The following GTPBP1 variants were observed in gnomAD, a reference collection of about 807,000 sequenced individuals.
GTPBP1 encodes GTP-binding protein 1.
In GTPBP1, 23 loss-of-function variants were observed where a neutral mutation model predicts 62.0. That is an observed-to-expected ratio of 0.37 (90% CI 0.27 to 0.53). GTPBP1 has a LOEUF of 0.53. Ranked by LOEUF, GTPBP1 falls within the 20% of genes least tolerant of loss-of-function variation. The pLI is 0.89. For synonymous variants in GTPBP1, 344 were observed against 364.4 expected (o/e 0.94, Z 0.64); for missense variants, 640 against 917.3 (o/e 0.70, Z 3.90).
At chr22:38,721,049 C>T (rs769216322) in intron 4 of GTPBP1, among the ~76,000 whole-genome samples, 5 of 152,124 alleles carry the variant, frequency 3.3e-5, no homozygotes, top group Admixed American at 6.5e-5. Flanking sequence ...GAGACTACAG[C>T]GTATCCTGCC....
intron 1 of GTPBP1, 145 bp downstream of exon 1, chr22:38,706,292 T>C: frequency 2.1e-6 from 1 of 477,424 alleles, no homozygotes; most frequent in Admixed American, 4.6e-5. Flanking sequence ...CCTGCTAGTC[T>C]CCGGGACGTG....
In GTPBP1 at chr22:38,716,519, A is replaced by G. The variant is rs569108264; in HGVS notation, c.486-133A>G. Reference sequence around the variant, plus strand: ...CCTTCCCACTGTGCTCCTCCGGCTCAAGGAGGAGCTGTGAGCCGGAGGGGA... The same window carrying G: ...CCTTCCCACTGTGCTCCTCCGGCTCGAGGAGGAGCTGTGAGCCGGAGGGGA... On this transcript the variant is annotated intron_variant, in intron 3 of 11. Coordinates refer to ENST00000216044, the MANE Select transcript of GTPBP1 (RefSeq NM_004286.5). This position sits in a 1 kb window ranked among gnomAD's most constrained non-coding sequence, Gnocchi z 5.2. The G allele has an allele frequency of 8.8e-4, 589 of 667,110 alleles. 3 individuals carry two copies. The African/African-American group carries it at 9.5e-3, about 11-fold the overall frequency. 41.3% of individuals were successfully genotyped at this position (667,110 alleles called of 1,614,324 possible).
downstream of GTPBP1, chr22:38,736,507 A>C: frequency 8.6e-6 from 6 of 700,954 alleles, no homozygotes; most frequent in Non-Finnish European, 1.4e-5. Flanking sequence ...TGGGGCTCTG[A>C]AGAGAACCAG....
At chr22:38,722,175 T>A (rs946505509) in intron 5 of GTPBP1, among the ~76,000 whole-genome samples, 3 of 152,214 alleles carry the variant, frequency 2.0e-5, no homozygotes, top group Non-Finnish European at 4.4e-5. Context: ...GTAAAATGAC[T>A]AGGTAAACTA....
Position 38,729,560 on chromosome 22 carries a change from G to C in GTPBP1, c.1815G>C (p.Gly605=), listed in dbSNP as rs1179370699. 1 of 1,602,086 alleles carries C rather than the reference G, an allele frequency of 6.2e-7. No individual in the cohort carries two copies. The highest frequency in any genetic ancestry group is 1.7e-5 in the Admixed American group (1 of 58,302). Reference sequence around the variant, plus strand: ...GCCCCCTGACGAAACGAGACGAGGGGGGCCCGTCTGGTGGGCCAGCAGTAG... The same window carrying C: ...GCCCCCTGACGAAACGAGACGAGGGCGGCCCGTCTGGTGGGCCAGCAGTAG... ...KKGPLTKRDE[G]GPSGGPAVGA... is the part of the protein sequence containing the mutation. The change falls in exon 11 of 12, where the codon GGG becomes GGC. Residue 605 remains glycine (G), a synonymous_variant. Transcript: ENST00000216044.
In GTPBP1 at chr22:38,730,872, G is replaced by C. The variant is rs2092754980; in HGVS notation, c.*168G>C. 3 of 559,798 alleles carry C rather than the reference G, an allele frequency of 5.4e-6. No homozygotes were observed. The highest frequency in any genetic ancestry group is 3.1e-6 in the Non-Finnish European group (1 of 317,796). 34.7% of individuals were successfully genotyped at this position (559,798 alleles called of 1,614,324 possible). ...TTTCCAGGGGGGTTGTAATTTATAA[G>C]CTGACGAAGGTAGCCAGACTTCCGG... On this transcript the variant is annotated 3_prime_UTR_variant, in exon 12 of 12. Coordinates refer to ENST00000216044, the MANE Select transcript of GTPBP1 (RefSeq NM_004286.5). This position sits in a 1 kb window ranked among gnomAD's most constrained non-coding sequence, Gnocchi z 5.6.
chr22:38,717,898 C>T (rs2267395), intron 4 of GTPBP1, among the ~76,000 whole-genome samples: 55,334 of 151,998 alleles, frequency 0.36, 10,784 homozygotes, highest in African/African-American at 0.51. Flanking sequence ...AGTGTTCCCT[C>T]GGCAAGGCCT....
At chr22:38,715,694 G>A (rs1048975087) in intron 2 of GTPBP1, among the ~76,000 whole-genome samples, 7 of 152,158 alleles carry the variant, frequency 4.6e-5, no homozygotes, top group African/African-American at 1.7e-4. Flanking sequence ...ATGAAGTAGC[G>A]AATGCTCTGC....
chr22:38,707,423 C>G (rs1471416045), intron 1 of GTPBP1, among the ~76,000 whole-genome samples: 2 of 152,202 alleles, frequency 1.3e-5, no homozygotes, highest in South Asian at 4.1e-4. Context: ...CTCAGGTGAG[C>G]ACTTGGAAGC....
rs1213569949 is a variant in GTPBP1, at chr22:38,731,028, G to A, written c.*324G>A. On this transcript the variant is annotated 3_prime_UTR_variant, in exon 12 of 12. Coordinates refer to ENST00000216044, the MANE Select transcript of GTPBP1 (RefSeq NM_004286.5). ...CTCTCTATTGTGTGTGTGTGTGTGTGTGTGTGTGTGTGTGTGTGTGTGGTG... is the reference window on the plus strand; with the variant it reads ...CTCTCTATTGTGTGTGTGTGTGTGTATGTGTGTGTGTGTGTGTGTGTGGTG... The A allele has an allele frequency of 4.1e-6, 1 of 242,710 alleles. No individual in the cohort carries two copies. The highest frequency in any genetic ancestry group is 2.3e-5 in the African/African-American group (1 of 42,880). 15.0% of individuals were successfully genotyped at this position (242,710 alleles called of 1,614,324 possible).
chr22:38,721,917 G>A (rs2145868591), intron 5 of GTPBP1, 52 bp downstream of exon 5: 1 of 1,453,442 alleles, frequency 6.9e-7, no homozygotes, highest in Non-Finnish European at 9.4e-7. Flanking sequence ...GCTGTCACCT[G>A]CTGTGCCTTC....
chr22:38,733,765 G>C (rs566156002), downstream of GTPBP1, among the ~76,000 whole-genome samples: 4 of 152,324 alleles, frequency 2.6e-5, no homozygotes, highest in Non-Finnish European at 4.4e-5. Context: ...CCACGCACAG[G>C]GGCAGCACAG....
intron 5 of GTPBP1, chr22:38,723,119 A>G (rs1206095512): frequency 1.3e-6 from 1 of 780,006 alleles, no homozygotes; most frequent in Non-Finnish European, 2.3e-6. Context: ...TGAGACCACA[A>G]CTTCACAGTT....
chr22:38,739,633 T>G, downstream of GTPBP1: 1 of 1,492,370 alleles, frequency 6.7e-7, no homozygotes, highest in Non-Finnish European at 9.2e-7. The surrounding 1 kb of genome is among the most constrained non-coding windows in gnomAD (Gnocchi z 6.7). Context: ...TCCTGGAACC[T>G]GCCAGGGAGC....
chr22:38,717,737 T>A (rs1287794804), intron 4 of GTPBP1, among the ~76,000 whole-genome samples: 2 of 152,206 alleles, frequency 1.3e-5, no homozygotes, highest in Non-Finnish European at 2.9e-5. Flanking sequence ...CTTGCCTTTG[T>A]GACCCACTGA....
chr22:38,718,792 G>C (rs747758401), intron 4 of GTPBP1, among the ~76,000 whole-genome samples: 28 of 152,204 alleles, frequency 1.8e-4, no homozygotes, highest in Admixed American at 1.0e-3. Flanking sequence ...GGCAACCAGT[G>C]TTTCCAGTTT....
At chr22:38,735,668 T>C (rs918226172), downstream of GTPBP1, 2 of 166,772 alleles carry the variant, frequency 1.2e-5, no homozygotes, top group Admixed American at 1.2e-4. Flanking sequence ...ACTGCTACCC[T>C]CCCCGGGACA....
At chr22:38,714,031 CAA>C (rs2092654750) in intron 2 of GTPBP1, among the ~76,000 whole-genome samples, 1 of 151,966 alleles carries the variant, frequency 6.6e-6, no homozygotes, top group Non-Finnish European at 1.5e-5. Context: ...ATTCAGGAGA[CAA>C]GAGCGGGGGA....
rs2092755242 is a variant in GTPBP1 at position 38,730,914 on chromosome 22, C to T, written c.*210C>T. Reference sequence around the variant, plus strand: ...GACTTCCGGAGGACTGACCATCTCTCACTGTCCTCCCCACCTTCTTCCTCA... The same window carrying T: ...GACTTCCGGAGGACTGACCATCTCTTACTGTCCTCCCCACCTTCTTCCTCA... On this transcript the variant is annotated 3_prime_UTR_variant, in exon 12 of 12. Transcript: ENST00000216044. The surrounding 1 kb of genome is among the most constrained non-coding windows in gnomAD (Gnocchi z 5.6). 1 of 548,876 alleles carries T rather than the reference C, an allele frequency of 1.8e-6. No individual in the cohort carries two copies. Among genetic ancestry groups the T allele is most frequent in the African/African-American group, 1.9e-5 (1 of 51,338 alleles). The allele number at this position is 548,876 out of a possible 1,614,324, so 34.0% of individuals were successfully genotyped here. A position where few individuals can be genotyped will look rare whatever the true frequency, so the allele number is the denominator to read the frequency against.
Sources: gnomAD v4.1 joint callset for allele counts (sites outside exome capture counted in the v4.1 genomes callset) on GRCh38, gnomAD v4.1.1 for gene constraint, Gnocchi (gnomAD v3.1) non-coding constraint, MANE v1.5 for transcripts, NCBI Gene and HGNC (gene_info 2026-07-23, HGNC 2026-07-21) for gene names.